The following KCND3 variants were observed in gnomAD, a reference collection of about 807,000 sequenced individuals.
KCND3 encodes A-type voltage-gated potassium channel KCND3.
KCND3 carries 9 observed loss-of-function variants against 51.1 expected under a neutral mutation model. The observed-to-expected ratio is 0.18, with a 90% CI of 0.11 to 0.31. The LOEUF is 0.31. Ranked by LOEUF, KCND3 falls within the 10% of genes least tolerant of loss-of-function variation. The pLI, the probability that KCND3 is intolerant of heterozygous loss-of-function variation, is 1.00. For synonymous variants in KCND3, 349 were observed against 368.0 expected (o/e 0.95, Z 0.59); for missense variants, 526 against 903.8 (o/e 0.58, Z 5.36).
intron 2 of KCND3, among the ~76,000 whole-genome samples, chr1:111,837,688 T>C (rs767986582): frequency 1.3e-5 from 2 of 152,196 alleles, no homozygotes; most frequent in Admixed American, 6.5e-5. Context: ...TTCACAGCCA[T>C]GTTGCCCAGC....
intron 2 of KCND3, among the ~76,000 whole-genome samples, chr1:111,810,109 G>C (rs1665783292): frequency 6.6e-6 from 1 of 152,230 alleles, no homozygotes; most frequent in Admixed American, 6.5e-5. Context: ...CAGGATCATG[G>C]AACAGGAGAT....
chr1:111,922,460 G>A (rs187109302), intron 2 of KCND3, among the ~76,000 whole-genome samples: 72 of 152,272 alleles, frequency 4.7e-4, no homozygotes, highest in African/African-American at 1.6e-3. Flanking sequence ...AAATGTTTAC[G>A]GAGTACAGTA....
chr1:111,955,056 C>T (rs921613440), intron 2 of KCND3, among the ~76,000 whole-genome samples: 1 of 152,230 alleles, frequency 6.6e-6, no homozygotes, highest in Non-Finnish European at 1.5e-5. Flanking sequence ...TTTCTTTGCA[C>T]ATACTCTTTC....
rs151262683 is a variant in KCND3, at chr1:111,802,954, C to A, written c.1107-15848G>T. On this transcript the variant is annotated intron_variant, in intron 2 of 7. Coordinates refer to ENST00000302127, the MANE Select transcript of KCND3 (RefSeq NM_001378969.1). Reference sequence around the variant, plus strand: ...GAAGTATTTCTTCTGCTTTGGAAGGCAGAAATGGAGCTGCGTGCTGTACAC... The same window carrying A: ...GAAGTATTTCTTCTGCTTTGGAAGGAAGAAATGGAGCTGCGTGCTGTACAC... 4.4e-3 allele frequency among the ~76,000 whole-genome samples: 665 copies of A among 152,320 alleles called. 1 individual carries two copies. Among genetic ancestry groups the A allele is most frequent in the Middle Eastern group, 0.014 (4 of 294 alleles).
chr1:111,833,859 C>A (rs1438734313), intron 2 of KCND3, among the ~76,000 whole-genome samples: 1 of 152,044 alleles, frequency 6.6e-6, no homozygotes, highest in African/African-American at 2.4e-5. Flanking sequence ...ATCAAAGAAA[C>A]TGAAAAAGAA....
chr1:111,949,515 G>A (rs1360547794), intron 2 of KCND3, among the ~76,000 whole-genome samples: 1 of 152,174 alleles, frequency 6.6e-6, no homozygotes, highest in Non-Finnish European at 1.5e-5. Flanking sequence ...AGAAGGGTAA[G>A]GAAAAGGTGA....
chr1:111,793,876 C>G lies in KCND3; in HGVS notation c.1107-6770G>C, dbSNP rs958294732. On this transcript the variant is annotated intron_variant, in intron 2 of 7. Transcript: ENST00000302127. Reference sequence around the variant, plus strand: ...ACCCAAAGCGTTATTTCCTTTTTGTCTTCCTCTGCTCATGCAAATAACGAC... The same window carrying G: ...ACCCAAAGCGTTATTTCCTTTTTGTGTTCCTCTGCTCATGCAAATAACGAC... Among the ~76,000 whole-genome samples the G allele has an allele frequency of 3.3e-5, 5 of 152,156 alleles. No individual in the cohort carries two copies. The East Asian group carries it at 9.6e-4, about 29-fold the overall frequency.
intron 2 of KCND3, among the ~76,000 whole-genome samples, chr1:111,954,167 CTG>C (rs143456064): frequency 3.3e-5 from 5 of 152,324 alleles, no homozygotes; most frequent in East Asian, 1.9e-4. Flanking sequence ...CACCTGCAGA[CTG>C]TGGAATTTTC....
intron 2 of KCND3, among the ~76,000 whole-genome samples, chr1:111,959,480 A>C (rs1457622340): frequency 1.3e-5 from 2 of 152,042 alleles, no homozygotes; most frequent in African/African-American, 2.4e-5. Context: ...TACCCTCATC[A>C]GGGAGGGTCT....
chr1:111,938,495 A>G (rs114057048), intron 2 of KCND3, among the ~76,000 whole-genome samples: 2,310 of 152,288 alleles, frequency 0.015, 32 homozygotes, highest in Non-Finnish European at 0.02. Flanking sequence ...CAATAAGAAA[A>G]ACTATGTCAG....
chr1:111,884,798 C>A lies in KCND3; in HGVS notation c.1106+96823G>T, dbSNP rs551030095. Reference sequence around the variant, plus strand: ...ATGGATTCATTAAGACTAGGTGACACCAAATTCATCTTTTAACTTAAAAAA... The same window carrying A: ...ATGGATTCATTAAGACTAGGTGACAACAAATTCATCTTTTAACTTAAAAAA... On this transcript the variant is annotated intron_variant, in intron 2 of 7. Coordinates refer to ENST00000302127, the MANE Select transcript of KCND3 (RefSeq NM_001378969.1). Among the ~76,000 whole-genome samples, 3 of 152,322 alleles carry A rather than the reference C, an allele frequency of 2.0e-5. No individual in the cohort carries two copies. The East Asian group carries it at 5.8e-4, about 29-fold the overall frequency.
intron 2 of KCND3, among the ~76,000 whole-genome samples, chr1:111,888,681 CAA>C (rs34732548): frequency 0.022 from 2,323 of 103,562 alleles, 66 homozygotes; most frequent in African/African-American, 0.072. Flanking sequence ...CACTCCATCT[CAA>C]AAAAAAAAAA....
intron 2 of KCND3, among the ~76,000 whole-genome samples, chr1:111,931,375 A>C (rs1671961576): frequency 6.6e-6 from 1 of 152,192 alleles, no homozygotes; most frequent in Non-Finnish European, 1.5e-5. Flanking sequence ...AATGAAACCA[A>C]CAGGATGTGG....
intron 2 of KCND3, among the ~76,000 whole-genome samples, chr1:111,822,765 A>T (rs1289807646): frequency 6.6e-6 from 1 of 152,216 alleles, no homozygotes; most frequent in Non-Finnish European, 1.5e-5. Flanking sequence ...TCATATGGTA[A>T]GCTTATGTTT....
At chr1:111,830,737 C>G (rs1409482916) in intron 2 of KCND3, among the ~76,000 whole-genome samples, 2 of 152,198 alleles carry the variant, frequency 1.3e-5, no homozygotes, top group African/African-American at 4.8e-5. Context: ...AACAATGCCA[C>G]TCTTCCAGGT....
In KCND3 at chr1:111,774,583, C is replaced by T. The variant is rs1461163671; in HGVS notation, c.*1494G>A. ...CTTGCACAGAGGTGATGAGGCTTCT[C>T]CCCCATTTCAGCATCTTCAGGGAGA... On this transcript the variant is annotated 3_prime_UTR_variant, in exon 8 of 8. Transcript: ENST00000302127. 1 of 152,270 alleles carries T rather than the reference C, an allele frequency of 6.6e-6. No homozygotes were observed. Among genetic ancestry groups the T allele is most frequent in the Non-Finnish European group, 1.5e-5 (1 of 68,066 alleles). 9.4% of individuals were successfully genotyped at this position (152,270 alleles called of 1,614,324 possible).
At chr1:111,821,591 T>G (rs2101598465) in intron 2 of KCND3, among the ~76,000 whole-genome samples, 1 of 152,288 alleles carries the variant, frequency 6.6e-6, no homozygotes, top group South Asian at 2.1e-4. Context: ...GATTTGGCTT[T>G]TCTAAGAGGT....
intron 2 of KCND3, among the ~76,000 whole-genome samples, chr1:111,875,653 G>A (rs908270062): frequency 1.3e-5 from 2 of 152,224 alleles, no homozygotes; most frequent in African/African-American, 4.8e-5. Context: ...CCCTGGCACA[G>A]GGGAGAATTA....
intron 2 of KCND3, among the ~76,000 whole-genome samples, chr1:111,867,804 T>C (rs1448961887): frequency 6.6e-6 from 1 of 152,238 alleles, no homozygotes; most frequent in African/African-American, 2.4e-5. Flanking sequence ...GAAACCCTTC[T>C]GAGCACAGTG....
Sources: gnomAD v4.1 joint callset for allele counts (sites outside exome capture counted in the v4.1 genomes callset) on GRCh38, gnomAD v4.1.1 for gene constraint, MANE v1.5 for transcripts, NCBI Gene and HGNC (gene_info 2026-07-23, HGNC 2026-07-21) for gene names.